The following DCDC1 variants were observed in gnomAD, a reference collection of about 807,000 sequenced individuals.
DCDC1 encodes the protein doublecortin domain-containing protein 1.
Under a neutral mutation model 178.3 loss-of-function variants are expected in DCDC1, and 200 were observed. The observed-to-expected ratio is 1.12, with a 90% CI of 1.00 to 1.26. The LOEUF is 1.26. DCDC1 is among the 50% of genes most tolerant of loss of function. DCDC1 has a pLI of 0.00. For synonymous variants in DCDC1, 690 were observed against 604.8 expected (o/e 1.14, Z -2.07); for missense variants, 1,983 against 1,749.2 (o/e 1.13, Z -2.38).
intron 8 of DCDC1, among the ~76,000 whole-genome samples, chr11:31,264,243 G>C (rs1473058967): frequency 6.6e-6 from 1 of 152,168 alleles, no homozygotes; most frequent in African/African-American, 2.4e-5. Context: ...GATCATGTAG[G>C]AGAGTGATAT....
rs1959127825 is a variant in DCDC1 at position 31,110,366 on chromosome 11, A to G, written c.1486-5T>C. On this transcript the variant is annotated splice_polypyrimidine_tract_variant and splice_region_variant and intron_variant, in intron 11 of 38. Coordinates refer to ENST00000684477, the MANE Select transcript of DCDC1 (RefSeq NM_001387274.1). ...GTTTTTACCATTTTCAAATACCTGA[A>G]AAATAAACATATTCAAAAATAAAAA... The G allele has an allele frequency of 1.4e-6, 1 of 698,836 alleles. No homozygotes were observed. Among genetic ancestry groups the G allele is most frequent in the Non-Finnish European group, 2.6e-6 (1 of 382,914 alleles). The allele number at this position is 698,836 out of a possible 1,614,324, so 43.3% of individuals were successfully genotyped here. A position where few individuals can be genotyped will look rare whatever the true frequency, so the allele number is the denominator to read the frequency against.
intron 20 of DCDC1, among the ~76,000 whole-genome samples, chr11:31,006,996 C>T (rs1447083395): frequency 6.6e-6 from 1 of 152,138 alleles, no homozygotes; most frequent in South Asian, 2.1e-4. Context: ...AATATTTCTC[C>T]TCTCTGTTCA....
At chr11:31,257,471 A>G (rs1179115201) in intron 8 of DCDC1, among the ~76,000 whole-genome samples, 3 of 152,170 alleles carry the variant, frequency 2.0e-5, no homozygotes, top group African/African-American at 7.2e-5. Flanking sequence ...TACAGAAACT[A>G]TTTGAAGAAA....
chr11:30,895,261 C>A (rs1295742548), intron 34 of DCDC1, among the ~76,000 whole-genome samples: 1 of 152,076 alleles, frequency 6.6e-6, no homozygotes, highest in Non-Finnish European at 1.5e-5. Flanking sequence ...TGAGTTCCTG[C>A]CTCAAGTTTG....
intron 32 of DCDC1, among the ~76,000 whole-genome samples, chr11:30,901,032 T>A (rs1944627234): frequency 6.6e-6 from 1 of 152,128 alleles, no homozygotes; most frequent in Non-Finnish European, 1.5e-5. Context: ...CACCTTGTTT[T>A]TACTTGCTAG....
chr11:31,230,889 A>G (rs1275437582), intron 9 of DCDC1, among the ~76,000 whole-genome samples: 1 of 152,156 alleles, frequency 6.6e-6, no homozygotes, highest in East Asian at 1.9e-4. Context: ...GTTTTACATC[A>G]ATAATTATCC....
chr11:31,153,223 G>T (rs1965359061), intron 9 of DCDC1, among the ~76,000 whole-genome samples: 1 of 152,042 alleles, frequency 6.6e-6, no homozygotes, highest in Admixed American at 6.6e-5. Context: ...TTACTATCTG[G>T]CTTCTCCCTC....
At chr11:30,975,136 A>C (rs1950033964) in intron 20 of DCDC1, among the ~76,000 whole-genome samples, 1 of 152,120 alleles carries the variant, frequency 6.6e-6, no homozygotes, top group Non-Finnish European at 1.5e-5. Context: ...AGATTATCTC[A>C]ATAGACACAG....
chr11:31,274,013 T>A (rs561488089), intron 7 of DCDC1, among the ~76,000 whole-genome samples: 23 of 152,208 alleles, frequency 1.5e-4, no homozygotes, highest in Middle Eastern at 3.4e-3. Flanking sequence ...ACCTCCCACC[T>A]GGGTGCCTCC....
intron 11 of DCDC1, 130 bp from the exon 12 acceptor site, chr11:31,110,491 A>G: frequency 1.8e-6 from 1 of 553,308 alleles, no homozygotes; most frequent in Non-Finnish European, 3.2e-6. Flanking sequence ...AATTGTGTAC[A>G]TGGGAATTGT....
intron 9 of DCDC1, among the ~76,000 whole-genome samples, chr11:31,234,017 G>T (rs1219274795): frequency 6.6e-6 from 1 of 152,160 alleles, no homozygotes; most frequent in East Asian, 1.9e-4. Context: ...CTCACCTGTG[G>T]TTTGCCAAGG....
intron 20 of DCDC1, among the ~76,000 whole-genome samples, chr11:31,009,694 C>T (rs1456479587): frequency 6.6e-6 from 1 of 152,090 alleles, no homozygotes; most frequent in Non-Finnish European, 1.5e-5. Context: ...CTACTCAGGC[C>T]CTCAACCAAT....
At chr11:31,303,777 T>A (rs180759337) in intron 6 of DCDC1, among the ~76,000 whole-genome samples, 1 of 152,294 alleles carries the variant, frequency 6.6e-6, no homozygotes, top group East Asian at 1.9e-4. Flanking sequence ...GATATGCTAG[T>A]CTGTGTCCAA....
intron 10 of DCDC1, among the ~76,000 whole-genome samples, chr11:31,130,314 T>C (rs575882817): frequency 6.6e-6 from 1 of 152,314 alleles, no homozygotes; most frequent in Non-Finnish European, 1.5e-5. Context: ...ATGTGACATA[T>C]ATGTGACATC....
At chr11:30,961,663 T>G (rs796878319) in intron 20 of DCDC1, among the ~76,000 whole-genome samples, 11 of 152,176 alleles carry the variant, frequency 7.2e-5, no homozygotes, top group African/African-American at 2.6e-4. Context: ...AGGATATTAT[T>G]CATACGGGTA....
chr11:30,935,735 G>A (rs983680419), intron 21 of DCDC1, among the ~76,000 whole-genome samples: 2 of 152,160 alleles, frequency 1.3e-5, no homozygotes, highest in Non-Finnish European at 2.9e-5. Flanking sequence ...TGTATTTTTA[G>A]TAGAGATGGG....
At chr11:31,246,075 C>T (rs10835756) in intron 8 of DCDC1, among the ~76,000 whole-genome samples, 44,892 of 151,846 alleles carry the variant, frequency 0.3, 8,093 homozygotes, top group East Asian at 0.63. Context: ...CAACATCCTA[C>T]ATTGAAAGGG....
At chr11:31,085,255 T>A (rs1957404341) in intron 17 of DCDC1, among the ~76,000 whole-genome samples, 1 of 152,064 alleles carries the variant, frequency 6.6e-6, no homozygotes, top group South Asian at 2.1e-4. Flanking sequence ...AGGGTAAAAT[T>A]TGGTAAGTTT....
In DCDC1 at chr11:30,894,353, G is replaced by C. The variant is rs757056354; in HGVS notation, c.4797C>G (p.Thr1599=). 3 of 1,613,858 alleles carry C rather than the reference G, an allele frequency of 1.9e-6. No homozygotes were observed. The highest frequency in any genetic ancestry group is 2.5e-6 in the Non-Finnish European group (3 of 1,179,812). Residue 1599 remains threonine, a synonymous_variant, in exon 35 of 39, where the codon ACC becomes ACG. Transcript: ENST00000684477. ...GCACAGGGCTCTTGGTAGGAACCAT[G>C]GTGGCTGGCTGACATGCCGCTACTC... ...GRRVAACQPA[T]MVPTKSPVQP...
Sources: gnomAD v4.1 joint callset for allele counts (sites outside exome capture counted in the v4.1 genomes callset) on GRCh38, gnomAD v4.1.1 for gene constraint, MANE v1.5 for transcripts, NCBI Gene and HGNC (gene_info 2026-07-23, HGNC 2026-07-21) for gene names.